ROBO1: variants seen among roughly 807,000 people sequenced by gnomAD.
ROBO1 encodes roundabout guidance receptor 1.
A neutral mutation model predicts 195.9 loss-of-function variants in ROBO1; 149 were observed. The observed-to-expected ratio is 0.76, with a 90% CI of 0.67 to 0.87. ROBO1 has a LOEUF of 0.87. ROBO1 is among the 40% of genes least tolerant of loss of function. ROBO1 has a pLI of 0.00. For missense variants in ROBO1, 1,933 were observed against 2,068.3 expected (o/e 0.93, Z 1.27); for synonymous variants, 816 against 733.2 (o/e 1.11, Z -1.82).
At chr3:78,650,020 T>C (rs769663461) in intron 19 of ROBO1, among the ~76,000 whole-genome samples, 17 of 152,264 alleles carry the variant, frequency 1.1e-4, no homozygotes, top group Middle Eastern at 6.8e-3. Context: ...ACAGAGTTCA[T>C]GATGGAGGTC....
chr3:78,638,626 T>C (rs1408110351), intron 22 of ROBO1, among the ~76,000 whole-genome samples: 1 of 152,052 alleles, frequency 6.6e-6, no homozygotes, highest in African/African-American at 2.4e-5. Flanking sequence ...TCCCAACACT[T>C]TGGGAGGCTG....
chr3:79,027,694 C>A (rs2078225395), intron 3 of ROBO1, among the ~76,000 whole-genome samples: 1 of 152,018 alleles, frequency 6.6e-6, no homozygotes, highest in Admixed American at 6.6e-5. Context: ...GGCCACATTC[C>A]AAAAGAAATC....
chr3:78,641,756 A>AATAGAC (rs1297445109), intron 21 of ROBO1, among the ~76,000 whole-genome samples: 2 of 152,208 alleles, frequency 1.3e-5, no homozygotes, highest in Non-Finnish European at 2.9e-5. Flanking sequence ...TTTCAAAAGA[A>AATAGAC]ATAGACAATA....
At chr3:79,468,322 C>T (rs969981536) in intron 2 of ROBO1, among the ~76,000 whole-genome samples, 1 of 152,092 alleles carries the variant, frequency 6.6e-6, no homozygotes, top group African/African-American at 2.4e-5. Context: ...TTTTTAACAA[C>T]TGAAAAGTGT....
At chr3:78,976,451 T>A (rs2076887242) in intron 3 of ROBO1, among the ~76,000 whole-genome samples, 1 of 152,156 alleles carries the variant, frequency 6.6e-6, no homozygotes, top group African/African-American at 2.4e-5. Flanking sequence ...AGACTGGAGA[T>A]CCCTCAGGAT....
rs531284595 is a variant in ROBO1 at position 78,642,435 on chromosome 3, T to G, written c.2883-2537A>C. Reference sequence around the variant, plus strand: ...CTGTCTCCCCTTCCCACTGGCAGATTGAATGAGCTATAAAGCCAAGGGCTA... The same window carrying G: ...CTGTCTCCCCTTCCCACTGGCAGATGGAATGAGCTATAAAGCCAAGGGCTA... On this transcript the variant is annotated intron_variant, in intron 21 of 30. Coordinates refer to ENST00000464233, the MANE Select transcript of ROBO1 (RefSeq NM_002941.4). Among the ~76,000 whole-genome samples the G allele has an allele frequency of 3.3e-5, 5 of 152,258 alleles. No homozygotes were observed. In the South Asian group the frequency reaches 1.0e-3, roughly 32 times the overall value.
chr3:79,315,954 T>C (rs935700780), intron 2 of ROBO1, among the ~76,000 whole-genome samples: 4 of 152,178 alleles, frequency 2.6e-5, no homozygotes, highest in African/African-American at 9.6e-5. Flanking sequence ...GTGAAAGAGT[T>C]GGAGAAAACC....
intron 2 of ROBO1, among the ~76,000 whole-genome samples, chr3:79,433,036 G>C (rs933265673): frequency 6.6e-6 from 1 of 152,140 alleles, no homozygotes; most frequent in Non-Finnish European, 1.5e-5. Context: ...TCTATTTGAA[G>C]TTCAGGGGTA....
intron 2 of ROBO1, among the ~76,000 whole-genome samples, chr3:79,404,205 G>T (rs1329107455): frequency 6.6e-6 from 1 of 152,044 alleles, no homozygotes; most frequent in East Asian, 1.9e-4. Flanking sequence ...TTTGAAGCTA[G>T]GGGACTTGAG....
intron 2 of ROBO1, among the ~76,000 whole-genome samples, chr3:79,135,739 G>A (rs2080395384): frequency 6.6e-6 from 1 of 151,876 alleles, no homozygotes; most frequent in South Asian, 2.1e-4. Flanking sequence ...CTGGGTTCAA[G>A]CGATTCTCCC....
chr3:79,120,201 G>C (rs1344948641), intron 3 of ROBO1, among the ~76,000 whole-genome samples: 1 of 152,148 alleles, frequency 6.6e-6, no homozygotes, highest in Non-Finnish European at 1.5e-5. Context: ...AAAAAACAAA[G>C]AGTTAGAAAT....
At chr3:79,214,093 T>C (rs183341867) in intron 2 of ROBO1, among the ~76,000 whole-genome samples, 30 of 152,074 alleles carry the variant, frequency 2.0e-4, no homozygotes, top group African/African-American at 7.0e-4. Context: ...CCCAAAGTGC[T>C]GGGATTACTC....
chr3:78,884,653 AAGGAAGG>A (rs1559961833), intron 4 of ROBO1, among the ~76,000 whole-genome samples: 1,575 of 95,092 alleles, frequency 0.017, 12 homozygotes, highest in African/African-American at 0.037. Flanking sequence ...GAAAGAAAGG[AAGGAAGG>A]AAGGAAGGAA....
intron 2 of ROBO1, among the ~76,000 whole-genome samples, chr3:79,244,858 A>C (rs529432691): frequency 8.5e-4 from 130 of 152,174 alleles, no homozygotes; most frequent in African/African-American, 3.0e-3. Context: ...TTGTTTGAAT[A>C]TACTTCATTT....
rs573685419 is a variant in ROBO1, at chr3:79,034,422, T to G, written c.172+91034A>C. ...TGGTGCATGGTCTTTTTATGACCCT[T>G]TGTAGTCTCTGGGAGTGAAGAACGA... On this transcript the variant is annotated intron_variant, in intron 3 of 30. Transcript: ENST00000464233. Among the ~76,000 whole-genome samples, 3 of 152,278 alleles carry G rather than the reference T, an allele frequency of 2.0e-5. No homozygotes were observed. In the South Asian group the frequency reaches 6.2e-4, roughly 32 times the overall value.
At position 79,745,213 on chromosome 3, in the gene ROBO1, T is replaced by G. The variant is rs550785201; in HGVS notation, c.-51+22539A>C. On this transcript the variant is annotated intron_variant, in intron 1 of 30. Coordinates refer to ENST00000464233, the MANE Select transcript of ROBO1 (RefSeq NM_002941.4). The stretch of plus-strand genomic sequence containing the variant: ...TTGTCCCTGCTCTGCCCTGAAATAT[T>G]CAAACTGAGACCATATTCTTCAACA... Among the ~76,000 whole-genome samples, 20 of 152,292 alleles carry G rather than the reference T, an allele frequency of 1.3e-4. No homozygotes were observed. The South Asian group carries it at 4.1e-3, about 32-fold the overall frequency.
intron 4 of ROBO1, among the ~76,000 whole-genome samples, chr3:78,769,592 G>C (rs947210582): frequency 8.9e-6 from 1 of 112,298 alleles, no homozygotes; most frequent in Non-Finnish European, 1.9e-5. Context: ...TGCTTTCATT[G>C]TGCTTTTTGT....
chr3:79,745,280 C>T (rs901968727), intron 1 of ROBO1, among the ~76,000 whole-genome samples: 13 of 152,124 alleles, frequency 8.5e-5, no homozygotes, highest in Admixed American at 3.3e-4. Context: ...AAATAGAATA[C>T]TATTACTTAA....
intron 5 of ROBO1, among the ~76,000 whole-genome samples, chr3:78,741,553 A>G (rs1369569652): frequency 3.3e-5 from 5 of 152,120 alleles, no homozygotes; most frequent in Admixed American, 3.3e-4. Context: ...CTTTTTCCCA[A>G]TCTTAGTATT....
Sources: gnomAD v4.1 joint callset for allele counts (sites outside exome capture counted in the v4.1 genomes callset) on GRCh38, gnomAD v4.1.1 for gene constraint, MANE v1.5 for transcripts, NCBI Gene and HGNC (gene_info 2026-07-23, HGNC 2026-07-21) for gene names.